The following ZNF638 variants were observed in gnomAD, a reference collection of about 807,000 sequenced individuals.
ZNF638 encodes CTCL tumor antigen se33-1.
A neutral mutation model predicts 195.6 loss-of-function variants in ZNF638; 46 were observed. The ratio of observed to expected loss-of-function variants is 0.24; its 90% confidence interval spans 0.19 to 0.30. The LOEUF (loss-of-function observed/expected upper bound fraction) is 0.30. Among genes scored for constraint, ZNF638 ranks in the 10% least tolerant of loss-of-function variants. The probability of loss-of-function intolerance (pLI) is 1.00; values close to 1 mark genes in which losing one functional copy is unlikely to be tolerated. For synonymous variants in ZNF638, 845 were observed against 772.0 expected (o/e 1.09, Z -1.57); for missense variants, 2,440 against 2,325.3 (o/e 1.05, Z -1.01).
At chr2:71,424,564 T>G (rs937307228) in intron 22 of ZNF638, 86 bp from the exon 23 acceptor site, 2 of 1,119,102 alleles carry the variant, frequency 1.8e-6, no homozygotes, top group Non-Finnish European at 2.6e-6. Flanking sequence ...GTTTACTGTT[T>G]TTTTTTGTTT....
intron 1 of ZNF638, among the ~76,000 whole-genome samples, chr2:71,335,855 C>T (rs1159874081): frequency 6.6e-6 from 1 of 152,136 alleles, no homozygotes; most frequent in Non-Finnish European, 1.5e-5. Context: ...CACTACCTCC[C>T]ACCCCCATGC....
chr2:71,369,800 A>G, intron 7 of ZNF638, 83 bp from the exon 8 acceptor site: 1 of 1,377,422 alleles, frequency 7.3e-7, no homozygotes, highest in Non-Finnish European at 9.8e-7. Flanking sequence ...TGATGTTACA[A>G]AAGAAAGGAT....
At chr2:71,434,233 A>G (rs1309416272) in intron 27 of ZNF638, among the ~76,000 whole-genome samples, 2 of 152,012 alleles carry the variant, frequency 1.3e-5, no homozygotes, top group Non-Finnish European at 2.9e-5. Flanking sequence ...TACATGAGAG[A>G]CCCATTGCTG....
At chr2:71,385,276 A>T (rs1044893166) in intron 10 of ZNF638, among the ~76,000 whole-genome samples, 1 of 151,962 alleles carries the variant, frequency 6.6e-6, no homozygotes, top group African/African-American at 2.4e-5. Flanking sequence ...CATCACTTAC[A>T]CTCTTGGGCA....
At chr2:71,395,728 C>T in intron 10 of ZNF638, 1 of 407,692 alleles carries the variant, frequency 2.5e-6, no homozygotes, top group Non-Finnish European at 4.6e-6. Flanking sequence ...TAAGGCCGAA[C>T]AGTCCCCTAG....
intron 23 of ZNF638, among the ~76,000 whole-genome samples, chr2:71,425,623 A>G (rs1298198664): frequency 1.3e-5 from 2 of 152,088 alleles, no homozygotes; most frequent in East Asian, 3.9e-4. Context: ...TCTTAGTAAT[A>G]ATTTTTTCAT....
At chr2:71,381,332 A>C (rs1317447925) in intron 10 of ZNF638, among the ~76,000 whole-genome samples, 1 of 152,152 alleles carries the variant, frequency 6.6e-6, no homozygotes, top group Non-Finnish European at 1.5e-5. Context: ...ACTAAGTTTT[A>C]CTAGTGAGGT....
At chr2:71,399,853 A>G (rs781102590) in intron 13 of ZNF638, among the ~76,000 whole-genome samples, 8 of 152,134 alleles carry the variant, frequency 5.3e-5, no homozygotes, top group East Asian at 1.9e-4. Flanking sequence ...CCACCTTCCA[A>G]TAGGCCCCAG....
rs577102550 is a variant in ZNF638, at chr2:71,365,459, A to G, written c.1748A>G (p.Gln583Arg). 1 of 1,611,822 alleles carries G rather than the reference A, an allele frequency of 6.2e-7. No homozygotes were observed. The highest frequency in any genetic ancestry group is 2.2e-5 in the East Asian group (1 of 44,842). ...DRKKALEDVV[Q>R]RSGHGTEFNK... Reference sequence around the variant, plus strand: ...AAAAAAGCATTAGAAGATGTAGTACAACGATCTGGGCATGGGACAGAATTT... The same window carrying G: ...AAAAAAGCATTAGAAGATGTAGTACGACGATCTGGGCATGGGACAGAATTT... The change falls in exon 6 of 28, where the codon CAA becomes CGA. Residue 583 changes from glutamine to arginine, a missense_variant. Around this residue, in one of 5 missense-constraint regions of ZNF638, gnomAD observed 1,883 missense variants for 1,739.1 expected, o/e 1.08. Transcript: ENST00000264447.
At chr2:71,414,310 A>T in intron 20 of ZNF638, among the ~76,000 whole-genome samples, 1 of 14,608 alleles carries the variant, frequency 6.8e-5, no homozygotes, top group African/African-American at 3.1e-4. Context: ...TTTCTGTGGG[A>T]TCGGTGGTGA....
At chr2:71,400,379 AT>A (rs963053704) in intron 14 of ZNF638, 98 bp from the exon 15 acceptor site, 5 of 1,215,488 alleles carry the variant, frequency 4.1e-6, no homozygotes, top group Non-Finnish European at 5.8e-6. Context: ...GACTTGTTGT[AT>A]TACACGTTTT....
At chr2:71,404,126 C>G in intron 17 of ZNF638, 128 bp downstream of exon 17, 1 of 912,106 alleles carries the variant, frequency 1.1e-6, no homozygotes, top group Non-Finnish European at 1.6e-6. Flanking sequence ...AAGCTTCTTC[C>G]TGTCCCTCCA....
intron 10 of ZNF638, chr2:71,388,598 C>A (rs1349372721): frequency 1.3e-6 from 1 of 785,590 alleles, no homozygotes; most frequent in Non-Finnish European, 2.4e-6. Flanking sequence ...TGTCTGCGTA[C>A]TTTTTTCATC....
intron 18 of ZNF638, 57 bp from the exon 19 acceptor site, chr2:71,406,071 T>G: frequency 6.3e-7 from 1 of 1,597,712 alleles, no homozygotes; most frequent in East Asian, 2.2e-5. Flanking sequence ...TTAATCTGTT[T>G]TACCGTTTGT....
chr2:71,409,786 G>A (rs529585568), intron 20 of ZNF638, among the ~76,000 whole-genome samples: 122 of 152,190 alleles, frequency 8.0e-4, no homozygotes, highest in African/African-American at 2.8e-3. Context: ...TAAATTTAGG[G>A]TCATTTGCTT....
Position 71,422,967 on chromosome 2 carries a change from T to C in ZNF638, c.3453T>C (p.Ala1151=), listed in dbSNP as rs755082743. The C allele has an allele frequency of 1.2e-6, 2 of 1,614,096 alleles. No individual in the cohort carries two copies. Among genetic ancestry groups the C allele is most frequent in the Non-Finnish European group, 1.7e-6 (2 of 1,179,982 alleles). Residue 1151 remains alanine, a synonymous_variant, in exon 22 of 28, where the codon GCT becomes GCC. Transcript: ENST00000264447. ...VQQEEPCEEE[A]EKATCDSDFA... Reference sequence around the variant, plus strand: ...AGGAAGAGCCTTGTGAGGAAGAAGCTGAAAAAGCAACATGTGATTCTGACT... The same window carrying C: ...AGGAAGAGCCTTGTGAGGAAGAAGCCGAAAAAGCAACATGTGATTCTGACT...
At chr2:71,406,322 A>C (rs893242523) in intron 19 of ZNF638, 60 bp downstream of exon 19, 1 of 1,480,006 alleles carries the variant, frequency 6.8e-7, no homozygotes, top group Non-Finnish European at 9.3e-7. Context: ...ATAACCCTGT[A>C]TTCTGACAAT....
intron 25 of ZNF638, among the ~76,000 whole-genome samples, chr2:71,429,419 C>G (rs6743785): frequency 5.9e-5 from 9 of 152,110 alleles, no homozygotes; most frequent in South Asian, 4.1e-4. Context: ...GCTTTCCCCC[C>G]CTTCTACATC....
intron 1 of ZNF638, among the ~76,000 whole-genome samples, chr2:71,339,168 T>TTTTTTTTA (rs1553464106): frequency 8.0e-6 from 1 of 124,516 alleles, no homozygotes; most frequent in African/African-American, 2.7e-5. Context: ...TTTTTTTTTT[T>TTTTTTTTA]ATTGAGACGG....
Sources: allele counts gnomAD v4.1 joint callset (sites outside exome capture counted in the v4.1 genomes callset), GRCh38; gene constraint gnomAD v4.1.1; regional missense constraint gnomAD v4.1.1; transcripts MANE v1.5; gene names NCBI Gene and HGNC (gene_info 2026-07-23, HGNC 2026-07-21).